The following MCPH1 variants were observed in gnomAD, a reference collection of about 807,000 sequenced individuals.
MCPH1 encodes the protein microcephalin 1, also known as microcephalin.
MCPH1 carries 104 observed loss-of-function variants against 84.5 expected under a neutral mutation model. That is an observed-to-expected ratio of 1.23 (90% CI 1.05 to 1.45). MCPH1 has a LOEUF of 1.45. Ranked by LOEUF, MCPH1 falls within the 40% of genes most tolerant of loss-of-function variation. The pLI is 0.00. For synonymous variants in MCPH1, 514 were observed against 366.8 expected (o/e 1.40, Z -4.58); for missense variants, 1,498 against 1,005.7 (o/e 1.49, Z -6.62).
At chr8:6,521,092 C>T in intron 12 of MCPH1, 1 of 1,038,242 alleles carries the variant, frequency 9.6e-7, no homozygotes, top group Non-Finnish European at 1.4e-6. Context: ...AGCGCCTTTT[C>T]TGAAAGGTGA....
At chr8:6,474,102 G>A (rs543854674) in intron 9 of MCPH1, 73 of 769,904 alleles carry the variant, frequency 9.5e-5, no homozygotes, top group East Asian at 6.9e-4. Flanking sequence ...TGAAACCAGC[G>A]TTCAGGGAAG....
chr8:6,477,081 T>A (rs1808566611), intron 9 of MCPH1, among the ~76,000 whole-genome samples: 1 of 151,928 alleles, frequency 6.6e-6, no homozygotes. Flanking sequence ...TCAATTCCAG[T>A]TGATAGCAGA....
chr8:6,471,915 T>C (rs1248524128), intron 9 of MCPH1, among the ~76,000 whole-genome samples: 1 of 152,210 alleles, frequency 6.6e-6, no homozygotes, highest in Non-Finnish European at 1.5e-5. Flanking sequence ...TGACAAAAGA[T>C]TTTAAATGGC....
intron 12 of MCPH1, among the ~76,000 whole-genome samples, chr8:6,511,023 G>A (rs1459090312): frequency 1.3e-5 from 2 of 152,168 alleles, no homozygotes; most frequent in African/African-American, 4.8e-5. Flanking sequence ...ATTAATCATA[G>A]ACAGGATTGA....
At position 6,475,371 on chromosome 8, in the gene MCPH1, T is replaced by C. The variant is rs1476448757; in HGVS notation, c.1936-2223T>C. ...TCAGGCATTCCTCTCATGGGAGATG[T>C]GCTTATCCTGGCAGACGCCCTTGTG... On this transcript the variant is annotated intron_variant, in intron 9 of 13. Coordinates refer to ENST00000344683, the MANE Select transcript of MCPH1 (RefSeq NM_024596.5). Among the ~76,000 whole-genome samples the C allele has an allele frequency of 4.6e-5, 7 of 152,234 alleles. No individual in the cohort carries two copies. The East Asian group carries it at 1.3e-3, about 29-fold the overall frequency.
chr8:6,427,083 A>G (rs772172991), intron 3 of MCPH1, among the ~76,000 whole-genome samples: 16 of 152,224 alleles, frequency 1.1e-4, no homozygotes, highest in Non-Finnish European at 1.6e-4. Flanking sequence ...CCTCTACAGC[A>G]TGTGCAGTTG....
intron 12 of MCPH1, among the ~76,000 whole-genome samples, chr8:6,620,830 C>T (rs1444029657): frequency 6.6e-6 from 1 of 152,192 alleles, no homozygotes; most frequent in Non-Finnish European, 1.5e-5. Context: ...CACATCCCTG[C>T]TTCTGAAATG....
intron 12 of MCPH1, among the ~76,000 whole-genome samples, chr8:6,516,534 A>T (rs1258654974): frequency 6.6e-6 from 1 of 152,210 alleles, no homozygotes; most frequent in Non-Finnish European, 1.5e-5. Context: ...TTCCAAGTTT[A>T]AATCAGTTCA....
At chr8:6,584,687 G>A (rs1367200937) in intron 12 of MCPH1, among the ~76,000 whole-genome samples, 2 of 152,182 alleles carry the variant, frequency 1.3e-5, no homozygotes, top group Non-Finnish European at 2.9e-5. Flanking sequence ...AATATACAAA[G>A]CAGTTTGTAG....
intron 12 of MCPH1, among the ~76,000 whole-genome samples, chr8:6,571,880 G>A (rs1442131164): frequency 6.6e-6 from 1 of 152,140 alleles, no homozygotes; most frequent in Non-Finnish European, 1.5e-5. Flanking sequence ...ATGTTTGCTT[G>A]AAGTATATAA....
intron 12 of MCPH1, chr8:6,513,738 C>T: frequency 6.2e-7 from 1 of 1,613,926 alleles, no homozygotes; most frequent in East Asian, 2.2e-5. Flanking sequence ...AGCCTCATTC[C>T]CTTCCCAGTC....
intron 12 of MCPH1, among the ~76,000 whole-genome samples, chr8:6,525,855 A>G (rs1179361375): frequency 6.6e-6 from 1 of 152,246 alleles, no homozygotes; most frequent in Admixed American, 6.5e-5. Flanking sequence ...GCATAGTTGA[A>G]AGCCAATATG....
chr8:6,501,233 C>G (rs1435248821), intron 12 of MCPH1: 1 of 152,170 alleles, frequency 6.6e-6, no homozygotes, highest in Middle Eastern at 3.4e-3. Context: ...CCTGTGTGTT[C>G]TAAAACTACG....
intron 3 of MCPH1, among the ~76,000 whole-genome samples, chr8:6,425,286 T>G (rs1800894112): frequency 6.6e-6 from 1 of 152,224 alleles, no homozygotes; most frequent in African/African-American, 2.4e-5. Flanking sequence ...CTTTTCGTTT[T>G]GACCACTAGA....
At chr8:6,479,947 GAA>G (rs1056217288) in intron 10 of MCPH1, among the ~76,000 whole-genome samples, 1 of 151,928 alleles carries the variant, frequency 6.6e-6, no homozygotes, top group Non-Finnish European at 1.5e-5. Context: ...CCTCTTAGTA[GAA>G]AAACTATGTG....
At chr8:6,434,476 C>T (rs1802350401) in intron 4 of MCPH1, among the ~76,000 whole-genome samples, 1 of 152,198 alleles carries the variant, frequency 6.6e-6, no homozygotes, top group South Asian at 2.1e-4. Flanking sequence ...TTAGTGAAAG[C>T]AGTGCAGGCC....
At chr8:6,626,956 C>T (rs1796766793) in intron 13 of MCPH1, 1 of 981,514 alleles carries the variant, frequency 1.0e-6, no homozygotes, top group African/African-American at 1.8e-5. Context: ...ATTGTGGGAA[C>T]ATAATGTAAT....
chr8:6,425,267 C>G (rs892288360), intron 3 of MCPH1, among the ~76,000 whole-genome samples: 1 of 152,182 alleles, frequency 6.6e-6, no homozygotes, highest in Non-Finnish European at 1.5e-5. Flanking sequence ...AGAGACATCT[C>G]TTGAAACACT....
At chr8:6,603,172 T>C (rs2442504) in intron 12 of MCPH1, among the ~76,000 whole-genome samples, 136,964 of 152,152 alleles carry the variant, frequency 0.9, 63,495 homozygotes, top group East Asian at 1. Context: ...GACTCTGCTT[T>C]AGTATCCATC....
Sources: gnomAD v4.1 joint callset for allele counts (sites outside exome capture counted in the v4.1 genomes callset) on GRCh38, gnomAD v4.1.1 for gene constraint, MANE v1.5 for transcripts, NCBI Gene and HGNC (gene_info 2026-07-23, HGNC 2026-07-21) for gene names.